Variants in PLCB4 observed in about 807,000 individuals in gnomAD.
PLCB4 encodes 1-phosphatidylinositol 4,5-bisphosphate phosphodiesterase beta-4.
Under a neutral mutation model 178.8 loss-of-function variants are expected in PLCB4, and 77 were observed. The observed-to-expected ratio is 0.43, with a 90% CI of 0.36 to 0.52. The LOEUF (loss-of-function observed/expected upper bound fraction) is 0.52, where lower values mean the gene tolerates loss of function less well. PLCB4 is among the 20% of genes least tolerant of loss of function. The pLI, the probability that PLCB4 is intolerant of heterozygous loss-of-function variation, is 0.00. For synonymous variants in PLCB4, 496 were observed against 490.8 expected (o/e 1.01, Z -0.14); for missense variants, 1,024 against 1,453.4 (o/e 0.70, Z 4.80).
At chr20:9,126,053 G>A (rs1006145378) in intron 2 of PLCB4, among the ~76,000 whole-genome samples, 1 of 151,988 alleles carries the variant, frequency 6.6e-6, no homozygotes, top group Non-Finnish European at 1.5e-5. Context: ...AGTAAAGACA[G>A]TAATGGGATT....
At position 9,393,529 on chromosome 20, in the gene PLCB4, G is replaced by C. The variant is rs565817335; in HGVS notation, c.1324-59G>C. On this transcript the variant is annotated intron_variant, in intron 17 of 39. Coordinates refer to ENST00000378473, the MANE Select transcript of PLCB4 (RefSeq NM_001377142.1). ...GGCCTCCCAGGCTCCTCCTGGACTG[G>C]GAAGGAGAATGGAGAAGCACAGCCC... The C allele has an allele frequency of 2.0e-5, 23 of 1,169,546 alleles. No individual in the cohort carries two copies. In the African/African-American group the frequency reaches 2.9e-4, roughly 15 times the overall value. The allele number at this position is 1,169,546 out of a possible 1,614,324, so 72.4% of individuals were successfully genotyped here.
At chr20:9,104,551 C>T (rs571772001) in intron 2 of PLCB4, among the ~76,000 whole-genome samples, 1 of 152,252 alleles carries the variant, frequency 6.6e-6, no homozygotes, top group Non-Finnish European at 1.5e-5. Context: ...GATTCAATTT[C>T]CTAGAACATA....
At position 9,429,877 on chromosome 20, in the gene PLCB4, C is replaced by T. The variant is rs76536146; in HGVS notation, c.2525-5683C>T. On this transcript the variant is annotated intron_variant, in intron 28 of 39. Coordinates refer to ENST00000378473, the MANE Select transcript of PLCB4 (RefSeq NM_001377142.1). ...CAGAACTGTCCCAGGTATTCAAATGCCATTCTTCTGCATTGTTCTATAACT... is the reference window on the plus strand; with the variant it reads ...CAGAACTGTCCCAGGTATTCAAATGTCATTCTTCTGCATTGTTCTATAACT... Among the ~76,000 whole-genome samples the T allele has an allele frequency of 2.9e-4, 44 of 152,292 alleles. 3 individuals carry two copies. The East Asian group carries it at 8.3e-3, about 29-fold the overall frequency.
chr20:9,235,165 C>A (rs1568994374), intron 3 of PLCB4, among the ~76,000 whole-genome samples: 1 of 151,832 alleles, frequency 6.6e-6, no homozygotes, highest in Non-Finnish European at 1.5e-5. Context: ...GGAGTGTAGG[C>A]CTCAGATTGG....
At chr20:9,241,688 G>C (rs1399250619) in intron 3 of PLCB4, among the ~76,000 whole-genome samples, 3 of 152,304 alleles carry the variant, frequency 2.0e-5, no homozygotes, top group African/African-American at 7.2e-5. Flanking sequence ...CTAGAGAGCA[G>C]GTCATGGGAA....
At chr20:9,146,812 G>A (rs2092606414) in intron 2 of PLCB4, among the ~76,000 whole-genome samples, 1 of 152,084 alleles carries the variant, frequency 6.6e-6, no homozygotes, top group Non-Finnish European at 1.5e-5. Flanking sequence ...GATGGCAATG[G>A]GGAGCCTCTG....
intron 2 of PLCB4, among the ~76,000 whole-genome samples, chr20:9,139,518 G>A (rs1458958561): frequency 6.6e-6 from 1 of 152,068 alleles, no homozygotes; most frequent in Non-Finnish European, 1.5e-5. Context: ...CTCACAGTGA[G>A]GGAGCTGGCT....
At chr20:9,274,227 T>C (rs111736489) in intron 3 of PLCB4, among the ~76,000 whole-genome samples, 3 of 152,144 alleles carry the variant, frequency 2.0e-5, no homozygotes, top group African/African-American at 7.2e-5. Flanking sequence ...GAAACAGATG[T>C]ACCTGATTTT....
chr20:9,078,382 T>C (rs371242666), intron 1 of PLCB4, among the ~76,000 whole-genome samples: 1,616 of 152,138 alleles, frequency 0.011, 13 homozygotes, highest in Middle Eastern at 0.027. Context: ...TTCTCTTCTT[T>C]TCTTTCTTTT....
At chr20:9,431,020 A>G (rs888374130) in intron 28 of PLCB4, among the ~76,000 whole-genome samples, 2 of 152,366 alleles carry the variant, frequency 1.3e-5, no homozygotes, top group South Asian at 4.1e-4. Flanking sequence ...CTAGTTTCCT[A>G]GAACTACTGT....
At chr20:9,112,719 T>C (rs1226308721) in intron 2 of PLCB4, among the ~76,000 whole-genome samples, 2 of 152,176 alleles carry the variant, frequency 1.3e-5, no homozygotes, top group Non-Finnish European at 2.9e-5. Flanking sequence ...TGTCCCTTTA[T>C]GCAATTCCTG....
chr20:9,253,697 G>T (rs890781258), intron 3 of PLCB4, among the ~76,000 whole-genome samples: 5 of 152,176 alleles, frequency 3.3e-5, no homozygotes, highest in Admixed American at 2.0e-4. Flanking sequence ...AAGCAGCTCT[G>T]AATCTGTGAG....
At chr20:9,348,944 G>A (rs995552627) in intron 7 of PLCB4, among the ~76,000 whole-genome samples, 1 of 151,926 alleles carries the variant, frequency 6.6e-6, no homozygotes, top group Non-Finnish European at 1.5e-5. Flanking sequence ...ACATTTGCAT[G>A]GACAGTGTGT....
intron 25 of PLCB4, among the ~76,000 whole-genome samples, chr20:9,417,315 T>G (rs2040318573): frequency 6.6e-6 from 1 of 152,126 alleles, no homozygotes. Context: ...CATTGTGTAG[T>G]GAGGGTAATT....
chr20:9,442,300 A>G (rs2042155737), intron 30 of PLCB4, among the ~76,000 whole-genome samples: 1 of 152,124 alleles, frequency 6.6e-6, no homozygotes, highest in African/African-American at 2.4e-5. Context: ...CGCATGGAAC[A>G]TTCCCATTAT....
intron 12 of PLCB4, among the ~76,000 whole-genome samples, chr20:9,379,797 C>T (rs1371283394): frequency 3.3e-5 from 5 of 152,014 alleles, no homozygotes; most frequent in African/African-American, 4.8e-5. Context: ...TATTATGTAT[C>T]CTTCAACTTT....
In PLCB4 at chr20:9,394,953, T is replaced by G. The variant is rs533668583; in HGVS notation, c.1415-570T>G. On this transcript the variant is annotated intron_variant, in intron 18 of 39. Transcript: ENST00000378473. ...TTATTTGTGTGTCTTCAATAACTCC[T>G]TTTTTGCATATTACTATTTGTGGTT... 1.8e-3 allele frequency among the ~76,000 whole-genome samples: 270 copies of G among 152,290 alleles called. 1 individual carries two copies. Among genetic ancestry groups the G allele is most frequent in the African/African-American group, 6.3e-3 (260 of 41,558 alleles).
chr20:9,398,905 A>G (rs912893626), intron 19 of PLCB4, among the ~76,000 whole-genome samples: 2 of 152,240 alleles, frequency 1.3e-5, no homozygotes, highest in Non-Finnish European at 2.9e-5. Context: ...ATTCAATCCC[A>G]GAGCTACCTG....
At chr20:9,311,697 C>G (rs1472987231) in intron 4 of PLCB4, among the ~76,000 whole-genome samples, 1 of 152,190 alleles carries the variant, frequency 6.6e-6, no homozygotes, top group Non-Finnish European at 1.5e-5. Context: ...CCTTTCACCT[C>G]AAACTCTCCT....
Sources: gnomAD v4.1 joint callset for allele counts (sites outside exome capture counted in the v4.1 genomes callset) on GRCh38, gnomAD v4.1.1 for gene constraint, MANE v1.5 for transcripts, NCBI Gene and HGNC (gene_info 2026-07-23, HGNC 2026-07-21) for gene names.